GPC5: variants seen among roughly 807,000 people sequenced by gnomAD.
GPC5 encodes the protein glypican 5, also known as glypican-5.
Under a neutral mutation model 53.9 loss-of-function variants are expected in GPC5, and 47 were observed. That is an observed-to-expected ratio of 0.87 (90% CI 0.69 to 1.11). The LOEUF is 1.11. Ranked by LOEUF, GPC5 falls within the 50% of genes most tolerant of loss-of-function variation. The pLI is 0.00. For synonymous variants in GPC5, 286 were observed against 263.3 expected (o/e 1.09, Z -0.84); for missense variants, 748 against 713.1 (o/e 1.05, Z -0.56).
At chr13:92,256,853 T>C (rs1434923037) in intron 7 of GPC5, among the ~76,000 whole-genome samples, 2 of 152,118 alleles carry the variant, frequency 1.3e-5, no homozygotes, top group Admixed American at 6.6e-5. Context: ...TTTGTATTAT[T>C]ACTAATTTTG....
intron 2 of GPC5, among the ~76,000 whole-genome samples, chr13:91,604,491 T>C (rs2139261710): frequency 6.7e-6 from 1 of 149,758 alleles, no homozygotes; most frequent in South Asian, 2.1e-4. Context: ...CTGGGTCAAA[T>C]GGTTTTTCCA....
At chr13:91,935,989 T>C (rs1285472881) in intron 6 of GPC5, among the ~76,000 whole-genome samples, 1 of 151,940 alleles carries the variant, frequency 6.6e-6, no homozygotes, top group Non-Finnish European at 1.5e-5. Context: ...ATGAGATCCT[T>C]ACAAATATTA....
rs545971658 is a variant in GPC5 at position 92,524,665 on chromosome 13, A to G, written c.1562-341617A>G. Among the ~76,000 whole-genome samples the G allele has an allele frequency of 3.9e-5, 6 of 152,266 alleles. No individual in the cohort carries two copies. The East Asian group carries it at 1.2e-3, about 29-fold the overall frequency. On this transcript the variant is annotated intron_variant, in intron 7 of 7. Coordinates refer to ENST00000377067, the MANE Select transcript of GPC5 (RefSeq NM_004466.6). ...CTCATTCTAAAGTCCTTTCATTGAG[A>G]GCATATCAGAAAAGCCAGACAGAAA...
intron 7 of GPC5, among the ~76,000 whole-genome samples, chr13:92,380,720 G>A (rs2043731879): frequency 7.2e-6 from 1 of 138,930 alleles, no homozygotes; most frequent in Non-Finnish European, 1.5e-5. Flanking sequence ...AGAACACATG[G>A]ACACAGGAAG....
chr13:91,428,457 A>C lies in GPC5; in HGVS notation c.164-20304A>C, dbSNP rs928730665. On this transcript the variant is annotated intron_variant, in intron 1 of 7. Transcript: ENST00000377067. ...TGATAGTTTAAAGAACCAATCAGGA[A>C]CTGAGGCTTGGTCTTGGACCTTGGC... is the stretch of plus-strand genomic sequence containing the variant. Among the ~76,000 whole-genome samples the C allele has an allele frequency of 5.3e-5, 8 of 152,326 alleles. No individual in the cohort carries two copies. In the East Asian group the frequency reaches 5.8e-4, roughly 11 times the overall value.
chr13:91,805,245 G>A (rs1039395544), intron 5 of GPC5, among the ~76,000 whole-genome samples: 1 of 152,118 alleles, frequency 6.6e-6, no homozygotes, highest in Non-Finnish European at 1.5e-5. Flanking sequence ...GTAAAACTGA[G>A]CTGGAAATAA....
chr13:92,005,327 T>C (rs1193471426), intron 6 of GPC5, among the ~76,000 whole-genome samples: 4 of 152,180 alleles, frequency 2.6e-5, no homozygotes, highest in African/African-American at 9.7e-5. Flanking sequence ...TTAAATCTGT[T>C]GTGACTAGAA....
At chr13:92,378,183 A>G (rs1478205457) in intron 7 of GPC5, among the ~76,000 whole-genome samples, 10 of 152,180 alleles carry the variant, frequency 6.6e-5, no homozygotes, top group Non-Finnish European at 4.4e-5. Context: ...TAGTCCTGCT[A>G]GTCCTGTCAG....
intron 7 of GPC5, among the ~76,000 whole-genome samples, chr13:92,506,375 GA>G (rs1208066669): frequency 6.6e-6 from 1 of 151,954 alleles, no homozygotes; most frequent in Non-Finnish European, 1.5e-5. Context: ...TTAGAAATAA[GA>G]AAAACTAAGG....
chr13:91,927,137 A>G (rs2039777004), intron 6 of GPC5, among the ~76,000 whole-genome samples: 1 of 152,212 alleles, frequency 6.6e-6, no homozygotes, highest in African/African-American at 2.4e-5. Flanking sequence ...TGAAAATCAA[A>G]CTAAATTACT....
At chr13:91,476,299 T>C in intron 2 of GPC5, among the ~76,000 whole-genome samples, 1 of 152,168 alleles carries the variant, frequency 6.6e-6, no homozygotes, top group Middle Eastern at 3.2e-3. Context: ...TGACCTATCT[T>C]GTGCTGATAA....
chr13:91,499,752 C>T (rs746727621), intron 2 of GPC5, among the ~76,000 whole-genome samples: 1 of 152,182 alleles, frequency 6.6e-6, no homozygotes, highest in Non-Finnish European at 1.5e-5. Context: ...TCAGGCGCAG[C>T]CAGTCTCAAA....
chr13:92,372,523 G>C (rs556104807), intron 7 of GPC5, among the ~76,000 whole-genome samples: 2 of 152,146 alleles, frequency 1.3e-5, no homozygotes, highest in South Asian at 4.2e-4. Flanking sequence ...ACTACTGCTT[G>C]TTGTGACGTT....
At chr13:92,184,573 A>G (rs2042171069) in intron 7 of GPC5, among the ~76,000 whole-genome samples, 1 of 152,204 alleles carries the variant, frequency 6.6e-6, no homozygotes. Flanking sequence ...CTACCTAGGA[A>G]TCCCCAGTGA....
intron 2 of GPC5, among the ~76,000 whole-genome samples, chr13:91,484,618 TTC>T (rs1344986090): frequency 6.6e-6 from 1 of 152,152 alleles, no homozygotes; most frequent in Non-Finnish European, 1.5e-5. Context: ...TTTTGGATAA[TTC>T]TGTTTTGATT....
intron 7 of GPC5, among the ~76,000 whole-genome samples, chr13:92,790,700 A>G (rs1876429357): frequency 6.6e-6 from 1 of 152,088 alleles, no homozygotes; most frequent in African/African-American, 2.4e-5. Flanking sequence ...CAGAGGAAGG[A>G]TGAATGATGA....
At chr13:91,716,889 G>A (rs1364354350) in intron 3 of GPC5, among the ~76,000 whole-genome samples, 1 of 152,232 alleles carries the variant, frequency 6.6e-6, no homozygotes, top group Non-Finnish European at 1.5e-5. Context: ...GAGAACAAAA[G>A]TATTAATTCA....
At chr13:92,264,876 CTCTGTGTGTGTGTGTG>C (rs753272415) in intron 7 of GPC5, among the ~76,000 whole-genome samples, 18,281 of 118,394 alleles carry the variant, frequency 0.15, 1,213 homozygotes, top group Middle Eastern at 0.32. Flanking sequence ...CTCTCTCTCT[CTCTGTGTGTGTGTGTG>C]TGTGTGTGTG....
intron 7 of GPC5, among the ~76,000 whole-genome samples, chr13:92,755,368 G>T (rs1874814768): frequency 7.1e-6 from 1 of 141,308 alleles, no homozygotes; most frequent in South Asian, 2.5e-4. Flanking sequence ...ATGCCCACAA[G>T]AGAAAGCAGG....
Sources: gnomAD v4.1 joint callset for allele counts (sites outside exome capture counted in the v4.1 genomes callset) on GRCh38, gnomAD v4.1.1 for gene constraint, MANE v1.5 for transcripts, NCBI Gene and HGNC (gene_info 2026-07-23, HGNC 2026-07-21) for gene names.